Variants in CHIC1 observed in about 807,000 individuals in gnomAD.
CHIC1 encodes cysteine rich hydrophobic domain 1, also known as cysteine-rich hydrophobic domain-containing protein 1.
In CHIC1, 7 loss-of-function variants were observed where a neutral mutation model predicts 18.5. The ratio of observed to expected loss-of-function variants is 0.38; its 90% confidence interval spans 0.22 to 0.71. CHIC1 has a LOEUF of 0.71. Among genes scored for constraint, CHIC1 ranks in the 30% least tolerant of loss-of-function variants. CHIC1 has a pLI of 0.49. For missense variants in CHIC1, 159 were observed against 176.9 expected, an observed-to-expected ratio of 0.90 and a Z score of 0.57; for synonymous variants, 77 against 73.5, an observed-to-expected ratio of 1.05 and a Z score of -0.25.
At chrX:73,578,037 T>C (rs1464575034) in intron 2 of CHIC1, among the ~76,000 whole-genome samples, 2 of 109,757 alleles carry the variant, frequency 1.8e-5, no homozygotes, top group African/African-American at 3.3e-5. Context: ...ATGCACAGCC[T>C]GATTACTATA....
At chrX:73,652,559 G>T (rs1307242460) in intron 3 of CHIC1, among the ~76,000 whole-genome samples, 1 of 112,180 alleles carries the variant, frequency 8.9e-6, no homozygotes, top group Non-Finnish European at 1.9e-5. Context: ...TCATCCAAAT[G>T]TGGGCAAAGT....
chrX:73,649,294 G>A (rs144571845), intron 3 of CHIC1, among the ~76,000 whole-genome samples: 3,681 of 111,296 alleles, frequency 0.033, 169 homozygotes, highest in African/African-American at 0.11. Context: ...GCATCAACTA[G>A]TGCGCAAAAT....
At chrX:73,631,171 TTTTC>T (rs1369693197) in intron 3 of CHIC1, among the ~76,000 whole-genome samples, 1 of 111,875 alleles carries the variant, frequency 8.9e-6, no homozygotes, top group East Asian at 2.8e-4. Context: ...GGTTTGTCAA[TTTTC>T]TTTATCTTTT....
chrX:73,567,062 T>C (rs1265491315), intron 1 of CHIC1, among the ~76,000 whole-genome samples: 2 of 111,467 alleles, frequency 1.8e-5, no homozygotes, highest in African/African-American at 6.5e-5. Context: ...TTCTGGCAGT[T>C]TCTTAACTGT....
intron 3 of CHIC1, among the ~76,000 whole-genome samples, chrX:73,620,491 A>G (rs1041057489): frequency 8.9e-6 from 1 of 112,257 alleles, no homozygotes; most frequent in African/African-American, 3.2e-5. Flanking sequence ...TTTTGGCTGC[A>G]TGAATGCCTT....
chrX:73,623,106 T>A (rs1319467433), intron 3 of CHIC1, among the ~76,000 whole-genome samples: 1 of 111,735 alleles, frequency 8.9e-6, no homozygotes, highest in African/African-American at 3.3e-5. Context: ...CTTCCAATTA[T>A]GTGGTCAATT....
chrX:73,581,219 A>G (rs2057525389), intron 2 of CHIC1, among the ~76,000 whole-genome samples: 1 of 110,836 alleles, frequency 9.0e-6, no homozygotes, highest in Admixed American at 9.6e-5. Context: ...AAGAAGGCAG[A>G]TCAGTCCTGC....
Position 73,604,492 on chromosome X carries a change from G to A in CHIC1, c.507+19920G>A, listed in dbSNP as rs145193303. Among the ~76,000 whole-genome samples the A allele has an allele frequency of 1.9e-3, 209 of 107,333 alleles. 1 individual carries two copies. Among genetic ancestry groups the A allele is most frequent in the East Asian group, 0.018 (63 of 3,574 alleles). 93.2% of individuals were successfully genotyped at this position (107,333 alleles called of 115,157 possible). A position where few individuals can be genotyped will look rare whatever the true frequency, so the allele number is the denominator to read the frequency against. On this transcript the variant is annotated intron_variant, in intron 3 of 5. Transcript: ENST00000373502. ...CATTGATTTTTTTGAAGGGTTTTTCGTGTCTCTATCTCCCAGTTCTGCTCT... is the reference window on the plus strand; with the variant it reads ...CATTGATTTTTTTGAAGGGTTTTTCATGTCTCTATCTCCCAGTTCTGCTCT...
At chrX:73,636,227 T>A (rs976384990) in intron 3 of CHIC1, among the ~76,000 whole-genome samples, 4 of 111,987 alleles carry the variant, frequency 3.6e-5, no homozygotes, top group African/African-American at 1.3e-4. Flanking sequence ...TATTTTCCAT[T>A]TATTTGTGTA....
intron 3 of CHIC1, among the ~76,000 whole-genome samples, chrX:73,593,715 T>C (rs2057592910): frequency 8.9e-6 from 1 of 112,149 alleles, no homozygotes; most frequent in African/African-American, 3.2e-5. Flanking sequence ...TTAATGCTTC[T>C]AATTTTATGT....
At chrX:73,614,272 C>A (rs1046172693) in intron 3 of CHIC1, among the ~76,000 whole-genome samples, 35 of 111,294 alleles carry the variant, frequency 3.1e-4, no homozygotes, top group African/African-American at 1.1e-3. Context: ...TGACAAGACA[C>A]TTTTCTCTTG....
Position 73,650,924 on chromosome X carries a change from A to G in CHIC1, c.508-28402A>G, listed in dbSNP as rs1173107915. On this transcript the variant is annotated intron_variant, in intron 3 of 5. Coordinates refer to ENST00000373502, the MANE Select transcript of CHIC1 (RefSeq NM_001039840.4). ...AGGCCGATATTCCTGATGAACATCA[A>G]TGCAAAAATCCTCAATAAAATACCA... is the stretch of plus-strand genomic sequence containing the variant. 7.2e-5 allele frequency among the ~76,000 whole-genome samples: 8 copies of G among 111,801 alleles called. No individual in the cohort carries two copies. In the Admixed American group the frequency reaches 7.6e-4, roughly 11 times the overall value.
rs1053548974 is a variant in CHIC1, at chrX:73,606,478, G to C, written c.507+21906G>C. On this transcript the variant is annotated intron_variant, in intron 3 of 5. Transcript: ENST00000373502. ...GTTGTTACCCACCTTCTGAAGCCTA[G>C]TTCTGTCACTTCGCCAAACTTCTTC... is the stretch of plus-strand genomic sequence containing the variant. Among the ~76,000 whole-genome samples the C allele has an allele frequency of 1.5e-4, 16 of 107,101 alleles. 2 individuals carry two copies. Among genetic ancestry groups the C allele is most frequent in the African/African-American group, 5.5e-4 (15 of 27,386 alleles). The allele number at this position is 107,101 out of a possible 115,157, so 93.0% of individuals were successfully genotyped here.
intron 1 of CHIC1, among the ~76,000 whole-genome samples, chrX:73,575,217 G>A (rs1291926005): frequency 1.2e-4 from 13 of 109,647 alleles, no homozygotes; most frequent in Admixed American, 3.9e-4. Flanking sequence ...TTGGAGTTTT[G>A]GTTTCCCCCA....
At chrX:73,579,739 T>C (rs1181603628) in intron 2 of CHIC1, among the ~76,000 whole-genome samples, 1 of 110,607 alleles carries the variant, frequency 9.0e-6, no homozygotes, top group Non-Finnish European at 1.9e-5. Context: ...TCCTGATCAA[T>C]TGGAGTAATT....
chrX:73,674,358 G>T (rs1395337821), intron 3 of CHIC1, among the ~76,000 whole-genome samples: 1 of 111,741 alleles, frequency 8.9e-6, no homozygotes, highest in African/African-American at 3.3e-5. Flanking sequence ...GAATCCATCT[G>T]GTCCTGGACT....
chrX:73,634,362 A>G lies in CHIC1; in HGVS notation c.508-44964A>G, dbSNP rs745503082. On this transcript the variant is annotated intron_variant, in intron 3 of 5. Transcript: ENST00000373502. ...GATAAGCCTCCTGTTTCTTTTCCCTATGGCACTGCCCAAGCATGAACAAGG... is the reference window on the plus strand; with the variant it reads ...GATAAGCCTCCTGTTTCTTTTCCCTGTGGCACTGCCCAAGCATGAACAAGG... Among the ~76,000 whole-genome samples the G allele has an allele frequency of 4.4e-5, 5 of 112,750 alleles. No homozygotes were observed. In the South Asian group the frequency reaches 1.8e-3, roughly 41 times the overall value.
intron 3 of CHIC1, among the ~76,000 whole-genome samples, chrX:73,641,853 A>G (rs1296831600): frequency 9.0e-6 from 1 of 111,394 alleles, no homozygotes; most frequent in Non-Finnish European, 1.9e-5. Flanking sequence ...TGAACTCATC[A>G]TTTTTTAGGG....
Position 73,639,429 on chromosome X carries a change from A to C in CHIC1, c.508-39897A>C, listed in dbSNP as rs751113050. Among the ~76,000 whole-genome samples, 120 of 111,931 alleles carry C rather than the reference A, an allele frequency of 1.1e-3. 1 individual carries two copies. The highest frequency in any genetic ancestry group is 1.9e-3 in the Non-Finnish European group (102 of 53,124). ...ATTATGGATATTAAAACTTTGTTGA[A>C]TGCATAGTTTGCAAATTAGTTTTCC... On this transcript the variant is annotated intron_variant, in intron 3 of 5. Coordinates refer to ENST00000373502, the MANE Select transcript of CHIC1 (RefSeq NM_001039840.4).
Sources: gnomAD v4.1 joint callset for allele counts (sites outside exome capture counted in the v4.1 genomes callset) on GRCh38, gnomAD v4.1.1 for gene constraint, MANE v1.5 for transcripts, NCBI Gene and HGNC (gene_info 2026-07-23, HGNC 2026-07-21) for gene names.